Variants in EXOC2 observed in about 807,000 individuals in gnomAD.
EXOC2 encodes exocyst complex component 2.
In EXOC2, 70 loss-of-function variants were observed where a neutral mutation model predicts 131.8. The observed-to-expected ratio is 0.53, with a 90% confidence interval of 0.44 to 0.65. The LOEUF is 0.65. Ranked by LOEUF, EXOC2 falls within the 30% of genes least tolerant of loss-of-function variation. The pLI is 0.00. For missense variants in EXOC2, 923 were observed against 1,108.6 expected (o/e 0.83, Z 2.38); for synonymous variants, 411 against 398.4 (o/e 1.03, Z -0.38).
chr6:534,628 G>A (rs1027483331), intron 22 of EXOC2, among the ~76,000 whole-genome samples: 3 of 152,212 alleles, frequency 2.0e-5, no homozygotes, highest in Admixed American at 6.5e-5. Context: ...TTTAGCCAGC[G>A]TGTCATTCTC....
At chr6:528,085 TA>T (rs1765851049) in intron 23 of EXOC2, among the ~76,000 whole-genome samples, 1 of 152,170 alleles carries the variant, frequency 6.6e-6, no homozygotes, top group African/African-American at 2.4e-5. Context: ...CTAACTAGAA[TA>T]ATCTTTACTG....
intron 12 of EXOC2, 102 bp from the exon 13 acceptor site, chr6:572,746 A>G: frequency 7.2e-7 from 1 of 1,398,436 alleles, no homozygotes; most frequent in East Asian, 2.3e-5. Context: ...AAACTCCAAC[A>G]TGCACTAGGA....
Position 617,808 on chromosome 6 carries a change from G to A in EXOC2, c.564C>T (p.Thr188=), listed in dbSNP as rs752320215. Residue 188 remains threonine, a synonymous_variant, in exon 6 of 28, where the codon ACC becomes ACT. Coordinates refer to ENST00000230449, the MANE Select transcript of EXOC2 (RefSeq NM_018303.6). ...TSFEQLKMAV[T]NLKRQANKKS... ...TCTTGTTAGCCTGTCTCTTTAGGTT[G>A]GTGACTGCCATTTTGAGCTGCTCAA... The A allele has an allele frequency of 5.0e-6, 8 of 1,613,242 alleles. No individual in the cohort carries two copies. The Admixed American group carries it at 1.3e-4, about 27-fold the overall frequency.
chr6:487,628 A>T (rs1183754746), intron 27 of EXOC2, among the ~76,000 whole-genome samples: 2 of 151,936 alleles, frequency 1.3e-5, no homozygotes, highest in Admixed American at 1.3e-4. Context: ...GATGGTCTTG[A>T]TTTCCTGAAG....
intron 17 of EXOC2, among the ~76,000 whole-genome samples, chr6:557,134 T>C: frequency 6.6e-6 from 1 of 152,206 alleles, no homozygotes; most frequent in Non-Finnish European, 1.5e-5. Context: ...TCTTAGCTCC[T>C]AAGGGTGTTT....
At chr6:529,287 G>A (rs1765929203) in intron 23 of EXOC2, among the ~76,000 whole-genome samples, 2 of 152,208 alleles carry the variant, frequency 1.3e-5, no homozygotes, top group Admixed American at 1.3e-4. Context: ...GCGGGTGGAT[G>A]GGAAAGACCT....
intron 10 of EXOC2, among the ~76,000 whole-genome samples, chr6:593,029 C>CCAAA (rs767324664): frequency 1.3e-5 from 2 of 151,974 alleles, no homozygotes; most frequent in Admixed American, 1.3e-4. Flanking sequence ...GACGCCATCT[C>CCAAA]CAAACAAACA....
At position 555,252 on chromosome 6, in the gene EXOC2, G is replaced by T. The variant is rs1482798292; in HGVS notation, c.2029C>A (p.Pro677Thr). 6 of 1,524,444 alleles carry T rather than the reference G, an allele frequency of 3.9e-6. No homozygotes were observed. The highest frequency in any genetic ancestry group is 5.3e-6 in the Non-Finnish European group (6 of 1,122,216). 94.4% of individuals were successfully genotyped at this position (1,524,444 alleles called of 1,614,324 possible). Residue 677 changes from proline (P) to threonine (T), a missense_variant, in exon 20 of 28, where the codon CCT becomes ACT. Transcript: ENST00000230449. ...IYCLEQLSTK[P>T]DADIDTTHLS... The stretch of plus-strand genomic sequence containing the variant: ...TGTGTAGTATCTATATCTGCATCAG[G>T]CTTGGTGCTCAACTGTTCCAGACAG...
chr6:486,674 T>C lies in EXOC2; in HGVS notation c.2772A>G (p.Thr924=). 9.9e-6 allele frequency: 16 copies of C among 1,613,946 alleles called. No homozygotes were observed. The highest frequency in any genetic ancestry group is 1.1e-5 in the South Asian group (1 of 91,074). ...ACTTCTTTTATGTGGCAGATATTTATGTTTTCATCATGGTTGAAGAAGCTG... is the reference window on the plus strand; with the variant it reads ...ACTTCTTTTATGTGGCAGATATTTACGTTTTCATCATGGTTGAAGAAGCTG... ...FQAASSTMMK[T] The change falls in exon 28 of 28, where the codon ACA becomes ACG. Residue 924 remains threonine (T), a synonymous_variant. Transcript: ENST00000230449.
At chr6:572,992 CT>C (rs1435049023) in intron 12 of EXOC2, among the ~76,000 whole-genome samples, 2 of 152,228 alleles carry the variant, frequency 1.3e-5, no homozygotes, top group Non-Finnish European at 2.9e-5. Flanking sequence ...TAGTAAACGT[CT>C]CTTCAAAAAG....
intron 26 of EXOC2, among the ~76,000 whole-genome samples, chr6:489,641 A>G (rs1481371931): frequency 6.6e-6 from 1 of 152,266 alleles, no homozygotes; most frequent in African/African-American, 2.4e-5. Context: ...AGAAAGTATT[A>G]GAAAAATTAC....
At chr6:549,071 A>T (rs1757009406) in intron 22 of EXOC2, 104 bp downstream of exon 22, 1 of 867,094 alleles carries the variant, frequency 1.2e-6, no homozygotes, top group South Asian at 1.5e-5. Flanking sequence ...TGGGGGCGGC[A>T]CGCAGAGGGA....
intron 12 of EXOC2, among the ~76,000 whole-genome samples, chr6:575,660 C>T (rs1758541415): frequency 6.6e-6 from 1 of 152,232 alleles, no homozygotes. Flanking sequence ...GCCAATAAAC[C>T]TCTTTTCTTT....
chr6:642,034 T>TC (rs1417338749), intron 1 of EXOC2, among the ~76,000 whole-genome samples: 1 of 152,070 alleles, frequency 6.6e-6, no homozygotes, highest in Non-Finnish European at 1.5e-5. Context: ...ACTGCCTACT[T>TC]CATCTCCACC....
At chr6:501,297 C>A (rs1294388148) in intron 23 of EXOC2, among the ~76,000 whole-genome samples, 1 of 2,916 alleles carries the variant, frequency 3.4e-4, no homozygotes, top group African/African-American at 7.7e-4. Flanking sequence ...TTATATATAT[C>A]TATATATTAT....
At chr6:634,876 C>CGCTTT (rs532125164) in intron 2 of EXOC2, among the ~76,000 whole-genome samples, 1 of 151,988 alleles carries the variant, frequency 6.6e-6, no homozygotes, top group Non-Finnish European at 1.5e-5. Context: ...AGATTGAAAG[C>CGCTTT]CTCTCCAAAC....
intron 1 of EXOC2, among the ~76,000 whole-genome samples, chr6:650,435 C>G (rs1762778090): frequency 6.6e-6 from 1 of 151,648 alleles, no homozygotes; most frequent in Non-Finnish European, 1.5e-5. Flanking sequence ...TAGTTTTTCA[C>G]AATTAAACTA....
intron 20 of EXOC2, 81 bp from the exon 21 acceptor site, chr6:554,001 C>T (rs1421410852): frequency 2.6e-5 from 28 of 1,077,064 alleles, no homozygotes; most frequent in African/African-American, 7.9e-5. Flanking sequence ...CAAATTTAAA[C>T]GTGCAATGAA....
Position 551,371 on chromosome 6 carries a change from T to C in EXOC2, c.2122-2080A>G, listed in dbSNP as rs77561364. On this transcript the variant is annotated intron_variant, in intron 21 of 27. Transcript: ENST00000230449. Reference sequence around the variant, plus strand: ...GAAGATCGCACCAAATCTGATGAGATAGCTTTCAATGGAGAATACAGAGGA... The same window carrying C: ...GAAGATCGCACCAAATCTGATGAGACAGCTTTCAATGGAGAATACAGAGGA... Among the ~76,000 whole-genome samples the C allele has an allele frequency of 7.5e-3, 1,146 of 152,256 alleles. 14 individuals carry two copies. Among genetic ancestry groups the C allele is most frequent in the African/African-American group, 0.026 (1,084 of 41,536 alleles).
Sources: gnomAD v4.1 joint callset for allele counts (sites outside exome capture counted in the v4.1 genomes callset) on GRCh38, gnomAD v4.1.1 for gene constraint, MANE v1.5 for transcripts, NCBI Gene and HGNC (gene_info 2026-07-23, HGNC 2026-07-21) for gene names.